The following CSMD3 variants were observed in gnomAD, a reference collection of about 807,000 sequenced individuals.
The protein encoded by CSMD3 is CUB and Sushi multiple domains 3.
Under a neutral mutation model 435.2 loss-of-function variants are expected in CSMD3, and 177 were observed. That is an observed-to-expected ratio of 0.41 (90% CI 0.36 to 0.46). CSMD3 has a LOEUF of 0.46. Among genes scored for constraint, CSMD3 ranks in the 20% least tolerant of loss-of-function variants. CSMD3 has a pLI of 0.34. For missense variants in CSMD3, 4,265 were observed against 4,504.6 expected (o/e 0.95, Z 1.52); for synonymous variants, 1,656 against 1,520.5 (o/e 1.09, Z -2.07).
intron 1 of CSMD3, among the ~76,000 whole-genome samples, chr8:113,329,572 A>G (rs556465224): frequency 6.6e-5 from 10 of 152,176 alleles, no homozygotes; most frequent in Non-Finnish European, 1.5e-4. Flanking sequence ...GAGGACAGCA[A>G]GGATATTTGG....
chr8:113,354,763 C>T (rs1254440805), intron 1 of CSMD3, among the ~76,000 whole-genome samples: 1 of 152,134 alleles, frequency 6.6e-6, no homozygotes, highest in East Asian at 1.9e-4. Context: ...CCTCAGCCTC[C>T]CAAATAATTG....
chr8:113,151,814 T>C (rs1283620994), intron 4 of CSMD3, among the ~76,000 whole-genome samples: 1 of 152,046 alleles, frequency 6.6e-6, no homozygotes, highest in Non-Finnish European at 1.5e-5. Context: ...GAAAAATGCC[T>C]AACTTCTCTG....
At chr8:112,393,073 T>C (rs1375016932) in intron 35 of CSMD3, among the ~76,000 whole-genome samples, 2 of 152,026 alleles carry the variant, frequency 1.3e-5, no homozygotes, top group Admixed American at 6.6e-5. Context: ...ATAGCTAATT[T>C]GTAGAGACAG....
At chr8:112,356,371 C>T (rs1356158114) in intron 38 of CSMD3, among the ~76,000 whole-genome samples, 2 of 152,074 alleles carry the variant, frequency 1.3e-5, no homozygotes, top group African/African-American at 4.8e-5. Context: ...GTGGATACAG[C>T]TGGAGGCCAT....
intron 3 of CSMD3, among the ~76,000 whole-genome samples, chr8:113,265,452 T>A (rs529184694): frequency 6.1e-4 from 93 of 151,672 alleles, no homozygotes; most frequent in African/African-American, 2.2e-3. Flanking sequence ...ATAGGTAGTT[T>A]GTACAGGTTG....
chr8:113,356,129 G>T (rs927856371), intron 1 of CSMD3, among the ~76,000 whole-genome samples: 1 of 151,550 alleles, frequency 6.6e-6, no homozygotes, highest in Non-Finnish European at 1.5e-5. Flanking sequence ...TTCCATTCAT[G>T]CATATACCAC....
intron 59 of CSMD3, among the ~76,000 whole-genome samples, chr8:112,268,573 A>G (rs1157511095): frequency 6.6e-6 from 1 of 152,212 alleles, no homozygotes; most frequent in Non-Finnish European, 1.5e-5. Flanking sequence ...CTATTAATAT[A>G]CATAGACATG....
intron 32 of CSMD3, among the ~76,000 whole-genome samples, chr8:112,428,306 A>AT (rs1346252280): frequency 6.6e-6 from 1 of 152,186 alleles, no homozygotes; most frequent in Non-Finnish European, 1.5e-5. Context: ...AGTACAAAAA[A>AT]ATATATTCTC....
At chr8:112,832,973 T>G (rs1256546747) in intron 11 of CSMD3, among the ~76,000 whole-genome samples, 1 of 152,134 alleles carries the variant, frequency 6.6e-6, no homozygotes, top group Admixed American at 6.6e-5. Context: ...ATTCTGTATA[T>G]AAGTATGTTG....
intron 5 of CSMD3, among the ~76,000 whole-genome samples, chr8:113,097,774 C>G (rs2090209225): frequency 6.6e-6 from 1 of 152,014 alleles, no homozygotes; most frequent in South Asian, 2.1e-4. Flanking sequence ...TCAACAATTT[C>G]CAACTCAGTG....
At chr8:113,308,092 T>A (rs1180759748) in intron 2 of CSMD3, among the ~76,000 whole-genome samples, 1 of 151,998 alleles carries the variant, frequency 6.6e-6, no homozygotes, top group Admixed American at 6.6e-5. Flanking sequence ...CTAAGTTCTG[T>A]TTCATACTTG....
chr8:112,545,501 A>AAAAAAT (rs1554609897), intron 27 of CSMD3, among the ~76,000 whole-genome samples: 1 of 122,692 alleles, frequency 8.2e-6, no homozygotes, highest in African/African-American at 3.1e-5. Context: ...AAAAAAAAAA[A>AAAAAAT]AATAATAATA....
intron 22 of CSMD3, among the ~76,000 whole-genome samples, chr8:112,620,747 GT>G (rs1248344864): frequency 1.3e-5 from 2 of 152,102 alleles, no homozygotes; most frequent in African/African-American, 4.8e-5. Flanking sequence ...TGCATCTTGT[GT>G]TTTTTGCCTC....
intron 3 of CSMD3, among the ~76,000 whole-genome samples, chr8:113,212,720 A>T (rs1326446459): frequency 6.6e-6 from 1 of 151,396 alleles, no homozygotes; most frequent in African/African-American, 2.4e-5. Context: ...GGGGAACCTC[A>T]CACACCAGGG....
intron 9 of CSMD3, among the ~76,000 whole-genome samples, chr8:112,927,974 C>T (rs1318758089): frequency 6.6e-6 from 1 of 152,078 alleles, no homozygotes; most frequent in African/African-American, 2.4e-5. Context: ...TTAATAACCC[C>T]AAGCTTGGTC....
At chr8:112,555,437 C>T (rs1828031988) in intron 25 of CSMD3, among the ~76,000 whole-genome samples, 1 of 151,920 alleles carries the variant, frequency 6.6e-6, no homozygotes, top group East Asian at 1.9e-4. Flanking sequence ...ATAATCACAT[C>T]AGAGAGAATT....
At chr8:112,856,596 C>T (rs968441140) in intron 11 of CSMD3, among the ~76,000 whole-genome samples, 4 of 151,822 alleles carry the variant, frequency 2.6e-5, no homozygotes, top group African/African-American at 9.7e-5. Flanking sequence ...ATGACCTCTA[C>T]TCTATGAAAA....
At chr8:112,939,047 T>A (rs939221997) in intron 9 of CSMD3, among the ~76,000 whole-genome samples, 2 of 152,154 alleles carry the variant, frequency 1.3e-5, no homozygotes, top group Admixed American at 1.3e-4. Flanking sequence ...TATCACCTCT[T>A]AATTCAATAG....
intron 22 of CSMD3, among the ~76,000 whole-genome samples, chr8:112,625,299 A>T (rs1834386531): frequency 6.6e-6 from 1 of 152,064 alleles, no homozygotes; most frequent in East Asian, 1.9e-4. Context: ...ACATTACATC[A>T]AGTCATCTCA....
Sources: gnomAD v4.1 joint callset for allele counts (sites outside exome capture counted in the v4.1 genomes callset) on GRCh38, gnomAD v4.1.1 for gene constraint, MANE v1.5 for transcripts, NCBI Gene and HGNC (gene_info 2026-07-23, HGNC 2026-07-21) for gene names.